The following CTNNA2 variants were observed in gnomAD, a reference collection of about 807,000 sequenced individuals.
The protein encoded by CTNNA2 is catenin alpha-2.
A neutral mutation model predicts 101.0 loss-of-function variants in CTNNA2; 42 were observed. The observed-to-expected ratio is 0.42, with a 90% CI of 0.32 to 0.54. The LOEUF (loss-of-function observed/expected upper bound fraction) is 0.54. Among genes scored for constraint, CTNNA2 ranks in the 20% least tolerant of loss-of-function variants. The pLI is 0.14. For synonymous variants in CTNNA2, 450 were observed against 456.4 expected, an observed-to-expected ratio of 0.99 and a Z score of 0.18; for missense variants, 871 against 1,223.1, an observed-to-expected ratio of 0.71 and a Z score of 4.29.
At chr2:80,457,107 C>G (rs548136172) in intron 9 of CTNNA2, among the ~76,000 whole-genome samples, 1 of 151,732 alleles carries the variant, frequency 6.6e-6, no homozygotes, top group African/African-American at 2.4e-5. Context: ...GACAGAGTCT[C>G]GCTCTGTCAC....
chr2:79,221,664 C>G (rs546057091), intron 2 of CTNNA2, among the ~76,000 whole-genome samples: 1 of 151,928 alleles, frequency 6.6e-6, no homozygotes, highest in East Asian at 1.9e-4. Context: ...GACTCACTAG[C>G]CCATGAAACA....
At chr2:80,085,584 G>T (rs994912094) in intron 7 of CTNNA2, among the ~76,000 whole-genome samples, 23 of 152,138 alleles carry the variant, frequency 1.5e-4, no homozygotes, top group Admixed American at 1.5e-3. Flanking sequence ...AATTCTAAAG[G>T]CTGAGTGATT....
chr2:80,418,640 A>T (rs1345348927), intron 8 of CTNNA2, among the ~76,000 whole-genome samples: 1 of 152,194 alleles, frequency 6.6e-6, no homozygotes, highest in Admixed American at 6.5e-5. Context: ...GCTCCTGGAT[A>T]GGTATATTTG....
intron 4 of CTNNA2, among the ~76,000 whole-genome samples, chr2:79,408,938 T>C (rs953288008): frequency 3.7e-5 from 5 of 133,926 alleles, no homozygotes; most frequent in Non-Finnish European, 6.7e-5. Context: ...TGTTCCTATT[T>C]CTCCACATCC....
chr2:80,041,037 C>A (rs1480700434), intron 7 of CTNNA2, among the ~76,000 whole-genome samples: 2 of 151,630 alleles, frequency 1.3e-5, no homozygotes, highest in South Asian at 2.1e-4. Context: ...TTGGTTTATC[C>A]ACAGCTAAAG....
At chr2:79,749,960 G>C (rs1487351617) in intron 3 of CTNNA2, among the ~76,000 whole-genome samples, 1 of 152,192 alleles carries the variant, frequency 6.6e-6, no homozygotes, top group Non-Finnish European at 1.5e-5. Context: ...CAGGATGCTA[G>C]AGAGCTGAAT....
At chr2:79,879,071 T>C (rs1683234382) in intron 6 of CTNNA2, among the ~76,000 whole-genome samples, 1 of 152,180 alleles carries the variant, frequency 6.6e-6, no homozygotes, top group East Asian at 1.9e-4. Flanking sequence ...ATTTATTTAA[T>C]AGGAGATTAT....
chr2:79,247,491 C>G (rs991365764), intron 2 of CTNNA2, among the ~76,000 whole-genome samples: 3 of 152,134 alleles, frequency 2.0e-5, no homozygotes, highest in African/African-American at 4.8e-5. Flanking sequence ...ATGTTTTCTC[C>G]TTTACTAATG....
At chr2:79,829,984 G>C (rs1315007754) in intron 3 of CTNNA2, among the ~76,000 whole-genome samples, 2 of 152,040 alleles carry the variant, frequency 1.3e-5, no homozygotes, top group Non-Finnish European at 2.9e-5. Flanking sequence ...ATCAAGTTTT[G>C]ATTGACTAGG....
chr2:79,425,668 C>G (rs754512999), intron 4 of CTNNA2, among the ~76,000 whole-genome samples: 31 of 152,232 alleles, frequency 2.0e-4, no homozygotes, highest in Non-Finnish European at 4.0e-4. Context: ...TCACATTTCA[C>G]AACACCTGAG....
chr2:80,164,147 T>A (rs1704512824), intron 7 of CTNNA2, among the ~76,000 whole-genome samples: 1 of 151,924 alleles, frequency 6.6e-6, no homozygotes, highest in Non-Finnish European at 1.5e-5. Context: ...TTATTTGCAT[T>A]TAATGTAATT....
At chr2:80,610,395 GC>G (rs1698360718) in intron 17 of CTNNA2, among the ~76,000 whole-genome samples, 1 of 151,622 alleles carries the variant, frequency 6.6e-6, no homozygotes, top group Non-Finnish European at 1.5e-5. Flanking sequence ...CAATGATTTT[GC>G]CAAGAAAATT....
At chr2:79,887,417 C>A (rs531999263) in intron 6 of CTNNA2, among the ~76,000 whole-genome samples, 4 of 152,136 alleles carry the variant, frequency 2.6e-5, no homozygotes, top group Non-Finnish European at 4.4e-5. Context: ...ATTATGAAAT[C>A]TTGAGAAATT....
intron 7 of CTNNA2, among the ~76,000 whole-genome samples, chr2:80,157,974 T>C (rs1704084464): frequency 6.6e-6 from 1 of 152,214 alleles, no homozygotes; most frequent in Non-Finnish European, 1.5e-5. Flanking sequence ...TGTCATCATA[T>C]TGTTTTTATT....
At chr2:80,035,445 C>G (rs1695586144) in intron 7 of CTNNA2, among the ~76,000 whole-genome samples, 1 of 152,194 alleles carries the variant, frequency 6.6e-6, no homozygotes, top group Admixed American at 6.5e-5. Flanking sequence ...AGGACAGTTA[C>G]TACTCTAAGG....
At chr2:79,335,756 A>G (rs548940331) in intron 3 of CTNNA2, among the ~76,000 whole-genome samples, 14 of 152,288 alleles carry the variant, frequency 9.2e-5, no homozygotes, top group African/African-American at 3.4e-4. Context: ...GAAAGCTAAG[A>G]TTTATTTTTA....
At chr2:79,663,271 C>T (rs1040310889) in intron 2 of CTNNA2, among the ~76,000 whole-genome samples, 7 of 152,222 alleles carry the variant, frequency 4.6e-5, no homozygotes, top group African/African-American at 1.7e-4. Flanking sequence ...CCTATACATT[C>T]TCTATTCGGC....
intron 7 of CTNNA2, chr2:80,288,478 T>G (rs1338214082): frequency 9.2e-5 from 14 of 152,222 alleles, no homozygotes. Flanking sequence ...AACTTCAGTC[T>G]CATTTTACAA....
At chr2:79,280,685 A>AGAGAGAGAGAGAG (rs1553390858) in intron 2 of CTNNA2, among the ~76,000 whole-genome samples, 3,015 of 88,140 alleles carry the variant, frequency 0.034, 173 homozygotes, top group African/African-American at 0.037. Context: ...GAGAGAGAGA[A>AGAGAGAGAGAGAG]AGAGAGAGAG....
Sources: allele counts gnomAD v4.1 joint callset (sites outside exome capture counted in the v4.1 genomes callset), GRCh38; gene constraint gnomAD v4.1.1; transcripts MANE v1.5; gene names NCBI Gene and HGNC (gene_info 2026-07-23, HGNC 2026-07-21).